Variants in ANKRD44 observed in about 807,000 individuals in gnomAD.
The protein encoded by ANKRD44 is ankyrin repeat domain 44.
In ANKRD44, 35 loss-of-function variants were observed where a neutral mutation model predicts 116.0. The ratio of observed to expected loss-of-function variants is 0.30; its 90% CI spans 0.23 to 0.40. The LOEUF (loss-of-function observed/expected upper bound fraction) is 0.40. Ranked by LOEUF, ANKRD44 falls within the 10% of genes least tolerant of loss-of-function variation. The pLI, the probability that ANKRD44 is intolerant of heterozygous loss-of-function variation, is 1.00. For missense variants in ANKRD44, 1,014 were observed against 1,242.6 expected, an observed-to-expected ratio of 0.82 and a Z score of 2.77; for synonymous variants, 435 against 461.8, an observed-to-expected ratio of 0.94 and a Z score of 0.74.
intron 1 of ANKRD44, among the ~76,000 whole-genome samples, chr2:197,241,038 T>G (rs1299901000): frequency 6.6e-6 from 1 of 151,970 alleles, no homozygotes; most frequent in African/African-American, 2.4e-5. Context: ...CCCACAGTAA[T>G]CATGCATTTT....
chr2:197,115,126 A>T (rs958112664), intron 8 of ANKRD44, among the ~76,000 whole-genome samples: 6 of 152,160 alleles, frequency 3.9e-5, no homozygotes, highest in Admixed American at 2.0e-4. Context: ...GAGCTAAATG[A>T]TCTAAGAGCC....
chr2:197,231,963 C>T (rs1210937674), intron 1 of ANKRD44, among the ~76,000 whole-genome samples: 2 of 152,072 alleles, frequency 1.3e-5, no homozygotes, highest in Non-Finnish European at 2.9e-5. Context: ...TAATACATGT[C>T]GAATAAGTGG....
At chr2:197,265,232 CTTT>C (rs112311831) in intron 1 of ANKRD44, among the ~76,000 whole-genome samples, 12 of 59,500 alleles carry the variant, frequency 2.0e-4, no homozygotes, top group Admixed American at 2.1e-4. Context: ...CACTTTTTTT[CTTT>C]TTTTTTTTTT....
At chr2:197,088,918 T>C in intron 11 of ANKRD44, 144 bp from the exon 12 acceptor site, 2 of 785,774 alleles carry the variant, frequency 2.5e-6, no homozygotes, top group South Asian at 2.9e-5. Flanking sequence ...AAAGAGGTTG[T>C]CATGGAAACG....
At chr2:197,275,661 G>A (rs1462577056) in intron 1 of ANKRD44, among the ~76,000 whole-genome samples, 1 of 151,998 alleles carries the variant, frequency 6.6e-6, no homozygotes, top group Non-Finnish European at 1.5e-5. Context: ...GTGGTTCTCA[G>A]CGGGGTAGCA....
At chr2:197,239,919 T>C (rs908755710) in intron 1 of ANKRD44, among the ~76,000 whole-genome samples, 2 of 152,214 alleles carry the variant, frequency 1.3e-5, no homozygotes, top group Non-Finnish European at 2.9e-5. Context: ...GTCTTCAACG[T>C]AGATTTTCAA....
At chr2:197,008,400 G>C (rs984841364) in intron 19 of ANKRD44, among the ~76,000 whole-genome samples, 2 of 152,214 alleles carry the variant, frequency 1.3e-5, no homozygotes, top group Non-Finnish European at 2.9e-5. Flanking sequence ...GATGCAAGAG[G>C]GAGGTGAGAT....
chr2:196,970,256 C>T (rs1448464226), intron 21 of ANKRD44, among the ~76,000 whole-genome samples: 1 of 152,194 alleles, frequency 6.6e-6, no homozygotes, highest in African/African-American at 2.4e-5. Context: ...TCAGCATCTT[C>T]ATATGCTGAG....
intron 2 of ANKRD44, among the ~76,000 whole-genome samples, chr2:197,149,261 A>G (rs1485365267): frequency 6.6e-6 from 1 of 152,200 alleles, no homozygotes; most frequent in East Asian, 1.9e-4. Flanking sequence ...ACTTCATTTG[A>G]CCTGAAGCAA....
intron 27 of ANKRD44, among the ~76,000 whole-genome samples, chr2:196,992,990 T>C (rs1211035939): frequency 6.6e-6 from 1 of 152,198 alleles, no homozygotes; most frequent in Non-Finnish European, 1.5e-5. Context: ...TTTCAAAATT[T>C]CTTAGGAAGC....
At chr2:197,073,421 C>A (rs543862623) in intron 16 of ANKRD44, among the ~76,000 whole-genome samples, 8 of 152,312 alleles carry the variant, frequency 5.3e-5, no homozygotes, top group African/African-American at 1.7e-4. Flanking sequence ...GAACCCCAGG[C>A]TAGCTCTGGC....
At chr2:197,048,522 T>C (rs1033415906) in intron 16 of ANKRD44, among the ~76,000 whole-genome samples, 1 of 152,228 alleles carries the variant, frequency 6.6e-6, no homozygotes, top group Non-Finnish European at 1.5e-5. Flanking sequence ...CATGAACTCA[T>C]CCTTTTTTAT....
intron 1 of ANKRD44, among the ~76,000 whole-genome samples, chr2:197,283,232 T>A (rs2083315688): frequency 6.6e-6 from 1 of 152,236 alleles, no homozygotes; most frequent in Non-Finnish European, 1.5e-5. Context: ...AGTGACACCA[T>A]ACTGTACTGG....
At chr2:197,191,832 CA>C (rs1559137583) in intron 1 of ANKRD44, among the ~76,000 whole-genome samples, 1 of 152,132 alleles carries the variant, frequency 6.6e-6, no homozygotes, top group Non-Finnish European at 1.5e-5. Context: ...ACACCAAACA[CA>C]AAAAATTCCT....
chr2:197,065,988 A>G (rs768010092), intron 16 of ANKRD44, among the ~76,000 whole-genome samples: 1 of 152,230 alleles, frequency 6.6e-6, no homozygotes, highest in Non-Finnish European at 1.5e-5. Context: ...CACAACAAAA[A>G]AAGAGAATTT....
chr2:197,117,199 G>A lies in ANKRD44; in HGVS notation c.906+4133C>T, dbSNP rs543425498. ...CTCTGCTGCACCACCTTTCTTTGCC[G>A]GATTTCTTTCTTCCTTCCTACCTTC... On this transcript the variant is annotated intron_variant, in intron 8 of 27. Coordinates refer to ENST00000282272, the MANE Select transcript of ANKRD44 (RefSeq NM_001195144.2). Among the ~76,000 whole-genome samples, 687 of 152,022 alleles carry A rather than the reference G, an allele frequency of 4.5e-3. 10 individuals carry two copies. Among genetic ancestry groups the A allele is most frequent in the Non-Finnish European group, 7.0e-3 (477 of 67,958 alleles).
chr2:197,180,157 C>T (rs2125577317), intron 2 of ANKRD44, among the ~76,000 whole-genome samples: 1 of 151,546 alleles, frequency 6.6e-6, no homozygotes, highest in Admixed American at 6.6e-5. Context: ...CCCTTGGCTT[C>T]GCAACCATGG....
chr2:196,982,108 T>TTATATATATA (rs58816698), downstream of ANKRD44, among the ~76,000 whole-genome samples: 11 of 96,550 alleles, frequency 1.1e-4, no homozygotes, highest in African/African-American at 3.3e-4. Context: ...CTAAAAAAAA[T>TTATATATATA]TATATATATA....
At chr2:197,060,748 T>C (rs1007345180) in intron 16 of ANKRD44, among the ~76,000 whole-genome samples, 3 of 152,186 alleles carry the variant, frequency 2.0e-5, no homozygotes, top group Non-Finnish European at 4.4e-5. Context: ...AGTTCAACTT[T>C]TTTAGATTCC....
Sources: gnomAD v4.1 joint callset for allele counts (sites outside exome capture counted in the v4.1 genomes callset) on GRCh38, gnomAD v4.1.1 for gene constraint, MANE v1.5 for transcripts, NCBI Gene and HGNC (gene_info 2026-07-23, HGNC 2026-07-21) for gene names.